The following ANKS1A variants were observed in gnomAD, a reference collection of about 807,000 sequenced individuals.
ANKS1A encodes ankyrin repeat and SAM domain-containing protein 1A.
ANKS1A carries 55 observed loss-of-function variants against 120.3 expected under a neutral mutation model. The ratio of observed to expected loss-of-function variants is 0.46; its 90% CI spans 0.37 to 0.57. The LOEUF is 0.57. ANKS1A is among the 20% of genes least tolerant of loss of function. The pLI is 0.00. For missense variants in ANKS1A, 1,123 were observed against 1,480.3 expected (o/e 0.76, Z 3.96); for synonymous variants, 590 against 604.7 (o/e 0.98, Z 0.36).
chr6:35,061,575 G>A (rs887353789), intron 13 of ANKS1A, among the ~76,000 whole-genome samples: 1 of 152,176 alleles, frequency 6.6e-6, no homozygotes, highest in Admixed American at 6.5e-5. Flanking sequence ...TTCCAGGAGG[G>A]ACCCACCTCA....
chr6:35,036,234 G>A (rs554857784), intron 11 of ANKS1A, among the ~76,000 whole-genome samples: 4 of 152,340 alleles, frequency 2.6e-5, no homozygotes, highest in Middle Eastern at 3.4e-3. Flanking sequence ...GAGGACTGCT[G>A]CCAGGGCTTC....
intron 1 of ANKS1A, among the ~76,000 whole-genome samples, chr6:34,912,645 A>G (rs190386130): frequency 1.3e-5 from 2 of 152,378 alleles, no homozygotes; most frequent in East Asian, 3.9e-4. Context: ...AAGGATTTCA[A>G]TAGACATTTA....
intron 1 of ANKS1A, among the ~76,000 whole-genome samples, chr6:34,964,618 A>G (rs1770806343): frequency 6.6e-6 from 1 of 152,196 alleles, no homozygotes; most frequent in African/African-American, 2.4e-5. Flanking sequence ...TTTTAGGAGT[A>G]TACCTAATAT....
chr6:35,088,657 T>A lies in ANKS1A; in HGVS notation c.*48T>A. 1 of 1,614,142 alleles carries A rather than the reference T, an allele frequency of 6.2e-7. No individual in the cohort carries two copies. Among genetic ancestry groups the A allele is most frequent in the African/African-American group, 1.3e-5 (1 of 75,060 alleles). On this transcript the variant is annotated 3_prime_UTR_variant, in exon 24 of 24. Coordinates refer to ENST00000360359, the MANE Select transcript of ANKS1A (RefSeq NM_015245.3). ...CTGCGGAAACATAGACGTGGGGGCA[T>A]AGGCTCCCACTGCCACCACCGCCAT...
At chr6:34,956,663 C>G (rs1186821071) in intron 1 of ANKS1A, among the ~76,000 whole-genome samples, 2 of 152,180 alleles carry the variant, frequency 1.3e-5, no homozygotes, top group Non-Finnish European at 2.9e-5. Flanking sequence ...GGGAGTGGAG[C>G]TCCCATTCCA....
chr6:34,925,998 C>T (rs1768697587), intron 1 of ANKS1A, among the ~76,000 whole-genome samples: 1 of 152,064 alleles, frequency 6.6e-6, no homozygotes, highest in African/African-American at 2.4e-5. Flanking sequence ...GAATTTTCAT[C>T]AGGAATGGAA....
At chr6:34,904,601 G>A (rs1269451708) in intron 1 of ANKS1A, among the ~76,000 whole-genome samples, 6 of 152,052 alleles carry the variant, frequency 3.9e-5, no homozygotes, top group African/African-American at 7.2e-5. Flanking sequence ...GTGTGGTGGC[G>A]CACGCCTGCA....
rs1022174953 is a variant in ANKS1A at position 35,081,011 on chromosome 6, C to G, written c.2562C>G (p.Ser854=). The G allele has an allele frequency of 6.2e-7, 1 of 1,613,730 alleles. No homozygotes were observed. Among genetic ancestry groups the G allele is most frequent in the African/African-American group, 1.3e-5 (1 of 75,038 alleles). The change falls in exon 17 of 24, where the codon TCC becomes TCG. Residue 854 remains serine, a synonymous_variant. Transcript: ENST00000360359. ...FSQLRCQDLL[S]QTSSPLSQND... ...CTCCACAGTGCCAAGATTTGCTCTCCCAGACGTCATCCCCACTGAGTCAGA... is the reference window on the plus strand; with the variant it reads ...CTCCACAGTGCCAAGATTTGCTCTCGCAGACGTCATCCCCACTGAGTCAGA...
At chr6:35,042,487 A>G (rs1018980314) in intron 11 of ANKS1A, among the ~76,000 whole-genome samples, 6 of 152,222 alleles carry the variant, frequency 3.9e-5, no homozygotes, top group Non-Finnish European at 7.3e-5. Flanking sequence ...CCCAGTGCTT[A>G]GTACCTGGTA....
intron 13 of ANKS1A, chr6:35,070,848 G>A (rs948516522): frequency 3.1e-5 from 18 of 587,326 alleles, no homozygotes; most frequent in Admixed American, 1.6e-4. Flanking sequence ...GTGTGTGTGC[G>A]CGCCAAAGAT....
intron 1 of ANKS1A, among the ~76,000 whole-genome samples, chr6:34,901,471 G>A (rs1470955057): frequency 6.6e-6 from 1 of 152,090 alleles, no homozygotes; most frequent in Non-Finnish European, 1.5e-5. Context: ...TTTTCTAGTG[G>A]TTAAATGACT....
intron 14 of ANKS1A, among the ~76,000 whole-genome samples, chr6:35,078,996 GGAGCCCTGGCCAGCCTGCACT>G (rs1442024609): frequency 6.6e-6 from 1 of 152,128 alleles, no homozygotes; most frequent in African/African-American, 2.4e-5. Context: ...CTGGCTCACT[GGAGCCCTGGCCAGCCTGCACT>G]GAGCCCTGGC....
At chr6:34,991,711 CACATATATATACATATAT>C (rs1165370890) in intron 9 of ANKS1A, among the ~76,000 whole-genome samples, 48 of 125,290 alleles carry the variant, frequency 3.8e-4, no homozygotes, top group Non-Finnish European at 5.4e-4. Flanking sequence ...TACATATATA[CACATATATATACATATAT>C]ACACATATAT....
intron 1 of ANKS1A, among the ~76,000 whole-genome samples, chr6:34,906,308 A>G (rs892114044): frequency 1.3e-5 from 2 of 152,162 alleles, no homozygotes; most frequent in African/African-American, 2.4e-5. Context: ...GGCCTTTTAC[A>G]TGCCTGGTGC....
At position 34,889,507 on chromosome 6, in the gene ANKS1A, C is replaced by T. The variant is rs1246391916; in HGVS notation, c.105C>T (p.Gly35=). The T allele has an allele frequency of 3.9e-6, 5 of 1,273,432 alleles. No homozygotes were observed. Among genetic ancestry groups the T allele is most frequent in the African/African-American group, 3.1e-5 (2 of 64,198 alleles). The allele number at this position is 1,273,432 out of a possible 1,614,324, so 78.9% of individuals were successfully genotyped here. The part of the protein sequence containing the change: ...GKRLSSGFGG[G]GGGGSGGGGG... ...GGCTCTCCTCAGGCTTTGGGGGCGGCGGCGGCGGTGGCTCTGGGGGCGGCG... is the reference window on the plus strand; with the variant it reads ...GGCTCTCCTCAGGCTTTGGGGGCGGTGGCGGCGGTGGCTCTGGGGGCGGCG... The change falls in exon 1 of 24, where the codon GGC becomes GGT. Residue 35 remains glycine (G), a synonymous_variant. Transcript: ENST00000360359. This position sits in a 1 kb window ranked among gnomAD's most constrained non-coding sequence, Gnocchi z 5.5.
intron 10 of ANKS1A, among the ~76,000 whole-genome samples, chr6:34,998,715 T>A (rs1447796074): frequency 6.6e-6 from 1 of 152,120 alleles, no homozygotes; most frequent in African/African-American, 2.4e-5. Context: ...GGGACAGGAA[T>A]TGCTCACTCG....
In ANKS1A at chr6:35,057,208, C is replaced by A. The variant is rs1446296531; in HGVS notation, c.2078-2939C>A. Among the ~76,000 whole-genome samples, 1 of 152,102 alleles carries A rather than the reference C, an allele frequency of 6.6e-6. No homozygotes were observed. Among genetic ancestry groups the A allele is most frequent in the East Asian group, 2.0e-4 (1 of 5,122 alleles). On this transcript the variant is annotated intron_variant, in intron 12 of 23. Coordinates refer to ENST00000360359, the MANE Select transcript of ANKS1A (RefSeq NM_015245.3). The surrounding 1 kb of genome is among the most constrained non-coding windows in gnomAD (Gnocchi z 4.1). Reference sequence around the variant, plus strand: ...GCCACAGGCCCCTGGGCTGCCACCACTGGAGCTAGTTAGCTGAATCGCCAA... The same window carrying A: ...GCCACAGGCCCCTGGGCTGCCACCAATGGAGCTAGTTAGCTGAATCGCCAA...
intron 1 of ANKS1A, among the ~76,000 whole-genome samples, chr6:34,897,127 A>G (rs1381742609): frequency 6.6e-6 from 1 of 152,232 alleles, no homozygotes; most frequent in East Asian, 1.9e-4. Flanking sequence ...TTTAAGATTT[A>G]AAGTCAGTGG....
In ANKS1A at chr6:35,017,823, C is replaced by A. The variant is rs1195968974; in HGVS notation, c.1774C>A (p.Pro592Thr). 2 of 1,614,094 alleles carry A rather than the reference C, an allele frequency of 1.2e-6. No individual in the cohort carries two copies. The highest frequency in any genetic ancestry group is 8.5e-7 in the Non-Finnish European group (1 of 1,180,046). The change falls in exon 11 of 24, where the codon CCT (proline) becomes ACT (threonine). Residue 592 changes from proline to threonine, a missense_variant. Coordinates refer to ENST00000360359, the MANE Select transcript of ANKS1A (RefSeq NM_015245.3). ...ETLTHTASPH[P>T]GGAEEGDRSG... is the part of the protein sequence containing the mutation. ...TTTGACTCACACAGCATCTCCGCAC[C>A]CTGGTGGTGCTGAGGAAGGAGACCG...
Sources: allele counts gnomAD v4.1 joint callset (sites outside exome capture counted in the v4.1 genomes callset), GRCh38; gene constraint gnomAD v4.1.1; non-coding constraint Gnocchi (gnomAD v3.1); transcripts MANE v1.5; gene names NCBI Gene and HGNC (gene_info 2026-07-23, HGNC 2026-07-21).